Variants in DNAI3 observed in about 807,000 individuals in gnomAD.
The protein encoded by DNAI3 is WD repeat domain 63.
In DNAI3, 83 loss-of-function variants were observed where a neutral mutation model predicts 115.5. The ratio of observed to expected loss-of-function variants is 0.72; its 90% CI spans 0.60 to 0.86. DNAI3 has a LOEUF of 0.86. Among genes scored for constraint, DNAI3 ranks in the 40% least tolerant of loss-of-function variants. The pLI is 0.00. For missense variants in DNAI3, 1,004 were observed against 1,075.8 expected (o/e 0.93, Z 0.93); for synonymous variants, 320 against 347.0 (o/e 0.92, Z 0.86).
chr1:85,097,463 C>T (rs1655157963), intron 11 of DNAI3, 106 bp from the exon 12 acceptor site: 2 of 952,046 alleles, frequency 2.1e-6, no homozygotes, highest in Admixed American at 3.2e-5. Context: ...TTGATTATCC[C>T]CTAAGGTGAT....
At chr1:85,091,435 C>T (rs1205299054) in intron 8 of DNAI3, among the ~76,000 whole-genome samples, 1 of 152,154 alleles carries the variant, frequency 6.6e-6, no homozygotes, top group Non-Finnish European at 1.5e-5. Context: ...GAAGCCAGAT[C>T]TATAAGAAGA....
At chr1:85,123,354 T>C (rs1056307654) in intron 18 of DNAI3, among the ~76,000 whole-genome samples, 2 of 152,218 alleles carry the variant, frequency 1.3e-5, no homozygotes, top group African/African-American at 2.4e-5. Context: ...ACTTAGAGTG[T>C]AATCTGAACT....
At chr1:85,077,016 T>C (rs1418619966) in intron 3 of DNAI3, among the ~76,000 whole-genome samples, 2 of 152,130 alleles carry the variant, frequency 1.3e-5, no homozygotes, top group Non-Finnish European at 2.9e-5. Flanking sequence ...GATGTGGAAA[T>C]TAAATTAGTA....
intron 7 of DNAI3, among the ~76,000 whole-genome samples, chr1:85,089,546 G>T (rs72946799): frequency 6.7e-6 from 1 of 150,328 alleles, no homozygotes; most frequent in Admixed American, 6.7e-5. Flanking sequence ...TATGTTTAGA[G>T]CAGAGTTTCT....
intron 18 of DNAI3, among the ~76,000 whole-genome samples, chr1:85,122,335 T>G (rs1284559422): frequency 6.6e-6 from 1 of 151,996 alleles, no homozygotes; most frequent in Non-Finnish European, 1.5e-5. Flanking sequence ...TGTCTGCTGC[T>G]CCCAGGACCT....
chr1:85,068,521 C>T (rs1654166832), intron 1 of DNAI3, among the ~76,000 whole-genome samples: 1 of 152,196 alleles, frequency 6.6e-6, no homozygotes, highest in African/African-American at 2.4e-5. Flanking sequence ...AGCTGGATTT[C>T]CTGCTTCAGC....
At chr1:85,068,415 A>T (rs1003689788) in intron 1 of DNAI3, among the ~76,000 whole-genome samples, 3 of 152,176 alleles carry the variant, frequency 2.0e-5, no homozygotes, top group Non-Finnish European at 4.4e-5. Flanking sequence ...GGTCTACTTA[A>T]CAAAAATACC....
At chr1:85,089,242 C>A (rs1418056491) in intron 7 of DNAI3, among the ~76,000 whole-genome samples, 2 of 151,588 alleles carry the variant, frequency 1.3e-5, no homozygotes, top group African/African-American at 4.9e-5. Context: ...AACACAGGCA[C>A]AGAAGGTTAG....
intron 18 of DNAI3, among the ~76,000 whole-genome samples, chr1:85,123,496 T>C (rs1420457271): frequency 1.3e-5 from 2 of 152,204 alleles, no homozygotes; most frequent in East Asian, 3.8e-4. Context: ...ACTTCTCTCC[T>C]TAGGACTTTG....
intron 7 of DNAI3, 137 bp downstream of exon 7, chr1:85,086,167 T>G: frequency 1.3e-6 from 1 of 793,308 alleles, no homozygotes; most frequent in South Asian, 1.9e-5. Context: ...CACAGAGTAA[T>G]TCAATTCAGG....
At chr1:85,081,513 C>CAATGGGGCCAG in intron 4 of DNAI3, 98 bp downstream of exon 4, 4 of 1,214,680 alleles carry the variant, frequency 3.3e-6, no homozygotes, top group Non-Finnish European at 4.4e-6. Flanking sequence ...AATCTGGCCC[C>CAATGGGGCCAG]ATTGCTTTGG....
chr1:85,073,517 T>C (rs368402816), intron 3 of DNAI3, among the ~76,000 whole-genome samples: 2 of 152,336 alleles, frequency 1.3e-5, no homozygotes, highest in East Asian at 1.9e-4. Flanking sequence ...ACTAAACTAA[T>C]GTTGTTCCTA....
intron 1 of DNAI3, among the ~76,000 whole-genome samples, chr1:85,066,070 A>T (rs1429904826): frequency 1.3e-5 from 2 of 152,166 alleles, no homozygotes; most frequent in Non-Finnish European, 2.9e-5. Context: ...AGAAAATGTG[A>T]CCTTTGTGCA....
chr1:85,068,940 GGTAT>G (rs1654181294), intron 1 of DNAI3, among the ~76,000 whole-genome samples: 1 of 152,208 alleles, frequency 6.6e-6, no homozygotes, highest in Non-Finnish European at 1.5e-5. Context: ...CTGTGAAAGT[GGTAT>G]GTGTGAAATA....
chr1:85,074,705 T>C (rs1654397100), intron 3 of DNAI3, among the ~76,000 whole-genome samples: 1 of 152,350 alleles, frequency 6.6e-6, no homozygotes, highest in Admixed American at 6.5e-5. Flanking sequence ...AATACTGAAT[T>C]AGCCAATACT....
intron 1 of DNAI3, among the ~76,000 whole-genome samples, chr1:85,063,697 T>C (rs528298567): frequency 1.1e-4 from 16 of 152,238 alleles, no homozygotes; most frequent in South Asian, 1.0e-3. Flanking sequence ...TAAAAAGTCA[T>C]TATACAGGGA....
At chr1:85,101,566 T>C (rs757932903) in intron 13 of DNAI3, among the ~76,000 whole-genome samples, 55 of 151,326 alleles carry the variant, frequency 3.6e-4, no homozygotes, top group Non-Finnish European at 4.3e-4. Flanking sequence ...CTACTAAAAT[T>C]ACAAAAACAA....
chr1:85,124,098 A>T (rs961009407), intron 18 of DNAI3, 23 bp from the exon 19 acceptor site: 1 of 1,613,726 alleles, frequency 6.2e-7, no homozygotes, highest in Non-Finnish European at 8.5e-7. Flanking sequence ...TAAAGATGAG[A>T]TGGTCTTCTT....
chr1:85,125,138 G>A (rs1408643170), intron 19 of DNAI3, among the ~76,000 whole-genome samples: 2 of 152,154 alleles, frequency 1.3e-5, no homozygotes, highest in African/African-American at 4.8e-5. Flanking sequence ...AAGCAAGGGT[G>A]TGGGGGAATC....
Sources: gnomAD v4.1 joint callset for allele counts (sites outside exome capture counted in the v4.1 genomes callset) on GRCh38, gnomAD v4.1.1 for gene constraint, MANE v1.5 for transcripts, NCBI Gene and HGNC (gene_info 2026-07-23, HGNC 2026-07-21) for gene names.